The following STK32C variants were observed in gnomAD, a reference collection of about 807,000 sequenced individuals.
STK32C encodes the protein serine/threonine kinase 32C.
Under a neutral mutation model 56.5 loss-of-function variants are expected in STK32C, and 31 were observed. The ratio of observed to expected loss-of-function variants is 0.55; its 90% CI spans 0.41 to 0.74. The LOEUF is 0.74. Ranked by LOEUF, STK32C falls within the 30% of genes least tolerant of loss-of-function variation. The probability of loss-of-function intolerance (pLI) is 0.00; values close to 1 mark genes in which losing one functional copy is unlikely to be tolerated. For synonymous variants in STK32C, 309 were observed against 289.4 expected (o/e 1.07, Z -0.69); for missense variants, 544 against 676.9 (o/e 0.80, Z 2.18).
chr10:132,299,893 A>G (rs1487774390), intron 1 of STK32C, among the ~76,000 whole-genome samples: 1 of 152,256 alleles, frequency 6.6e-6, no homozygotes, highest in Non-Finnish European at 1.5e-5. Context: ...CTCTGAGGTC[A>G]GACGTCACAA....
At chr10:132,283,842 TG>T (rs2065291456) in intron 1 of STK32C, among the ~76,000 whole-genome samples, 1 of 152,074 alleles carries the variant, frequency 6.6e-6, no homozygotes, top group Non-Finnish European at 1.5e-5. Context: ...CACGCTCTGC[TG>T]GGAAGAGCCA....
intron 10 of STK32C, chr10:132,209,446 G>T (rs1200124334): frequency 2.1e-6 from 1 of 481,986 alleles, no homozygotes; most frequent in Non-Finnish European, 4.0e-6. Context: ...TCTCATACCG[G>T]GTTCTCCCAG....
chr10:132,311,643 G>A (rs2066224459), upstream of STK32C, among the ~76,000 whole-genome samples: 1 of 152,188 alleles, frequency 6.6e-6, no homozygotes, highest in African/African-American at 2.4e-5. The surrounding 1 kb of genome is among the most constrained non-coding windows in gnomAD (Gnocchi z 4.4). Flanking sequence ...GTGCGCCGGG[G>A]CCGAGCATGA....
rs530614072 is a variant in STK32C, at chr10:132,270,065, T to A, written c.263-24110A>T. On this transcript the variant is annotated intron_variant, in intron 1 of 11. Coordinates refer to ENST00000298630, the MANE Select transcript of STK32C (RefSeq NM_173575.4). ...CTGTAGGCCTTGGGACAGCGTCCCC[T>A]CAACCTGTGGCAGGGGACTGAGGGC... is the stretch of plus-strand genomic sequence containing the variant. 2.0e-5 allele frequency among the ~76,000 whole-genome samples: 3 copies of A among 152,324 alleles called. No homozygotes were observed. In the East Asian group the frequency reaches 5.8e-4, roughly 29 times the overall value.
chr10:132,264,994 G>T (rs2064450907), intron 1 of STK32C, among the ~76,000 whole-genome samples: 1 of 152,238 alleles, frequency 6.6e-6, no homozygotes, highest in Non-Finnish European at 1.5e-5. Flanking sequence ...GAGGATTCAG[G>T]ACAGCCACAC....
intron 2 of STK32C, among the ~76,000 whole-genome samples, chr10:132,233,852 C>T (rs1370138255): frequency 2.0e-5 from 3 of 152,254 alleles, no homozygotes; most frequent in South Asian, 2.1e-4. Flanking sequence ...ACAGTTGCTG[C>T]GACTGCAGGA....
intron 1 of STK32C, among the ~76,000 whole-genome samples, chr10:132,297,741 A>AG (rs2065797084): frequency 6.6e-6 from 1 of 152,190 alleles, no homozygotes; most frequent in African/African-American, 2.4e-5. Flanking sequence ...GGAAGCCCTG[A>AG]GCCAGAGCTC....
intron 1 of STK32C, among the ~76,000 whole-genome samples, chr10:132,269,499 C>T (rs2064746569): frequency 6.6e-6 from 1 of 152,176 alleles, no homozygotes; most frequent in African/African-American, 2.4e-5. Flanking sequence ...CAGCAAGCTG[C>T]AGCCTCACAG....
At chr10:132,227,243 C>T (rs1291791749) in intron 3 of STK32C, among the ~76,000 whole-genome samples, 1 of 152,260 alleles carries the variant, frequency 6.6e-6, no homozygotes, top group Non-Finnish European at 1.5e-5. Flanking sequence ...AGCAGAGCTA[C>T]AGTGCCAGCT....
At chr10:132,276,120 C>T (rs2064991085) in intron 1 of STK32C, among the ~76,000 whole-genome samples, 1 of 152,216 alleles carries the variant, frequency 6.6e-6, no homozygotes, top group Admixed American at 6.5e-5. Flanking sequence ...TGGGGCCCAG[C>T]TTTTGGACCA....
intron 1 of STK32C, among the ~76,000 whole-genome samples, chr10:132,284,982 G>C (rs33938711): frequency 5.9e-5 from 6 of 102,454 alleles, no homozygotes; most frequent in African/African-American, 2.2e-4. Flanking sequence ...ACATTCCCAC[G>C]TCTGCCCAAA....
chr10:132,327,581 T>A (rs1288955053), intron 1 of STK32C, among the ~76,000 whole-genome samples: 1 of 152,006 alleles, frequency 6.6e-6, no homozygotes, highest in Non-Finnish European at 1.5e-5. Flanking sequence ...GTTCAAGCAA[T>A]TCTCCTGCCT....
At chr10:132,294,679 G>C (rs572801914) in intron 1 of STK32C, among the ~76,000 whole-genome samples, 1 of 152,038 alleles carries the variant, frequency 6.6e-6, no homozygotes, top group Non-Finnish European at 1.5e-5. Flanking sequence ...CATTGACCTC[G>C]CACCATCTAC....
chr10:132,265,063 G>A (rs1317455873), intron 1 of STK32C, among the ~76,000 whole-genome samples: 8 of 150,350 alleles, frequency 5.3e-5, no homozygotes, highest in African/African-American at 1.2e-4. Flanking sequence ...AGACATGGCC[G>A]CAAGGGCGGT....
chr10:132,305,330 C>A (rs948400833), intron 1 of STK32C, among the ~76,000 whole-genome samples: 2 of 152,180 alleles, frequency 1.3e-5, no homozygotes, highest in Non-Finnish European at 2.9e-5. Context: ...TCTTATATGT[C>A]GCAACTATGC....
chr10:132,331,785 C>T (rs375182637), exon 1 of STK32C: 9 of 1,607,368 alleles, frequency 5.6e-6, no homozygotes, highest in Non-Finnish European at 5.1e-6. Context: ...CCCTCCAGAC[C>T]CTCGCGGTCT....
intron 1 of STK32C, among the ~76,000 whole-genome samples, chr10:132,294,678 C>T (rs1007569430): frequency 1.3e-5 from 2 of 152,140 alleles, no homozygotes; most frequent in African/African-American, 4.8e-5. Context: ...CCATTGACCT[C>T]GCACCATCTA....
At chr10:132,332,011 G>A (rs2066789741), upstream of STK32C, 2 of 385,748 alleles carry the variant, frequency 5.2e-6, no homozygotes, top group Non-Finnish European at 9.1e-6. Context: ...CCCCTGCCGC[G>A]CAGGGGCACC....
At chr10:132,257,428 T>C (rs2064160326) in intron 1 of STK32C, among the ~76,000 whole-genome samples, 1 of 151,894 alleles carries the variant, frequency 6.6e-6, no homozygotes, top group Admixed American at 6.5e-5. Flanking sequence ...GCTGTGGTCA[T>C]TCAGGGTGCC....
Sources: gnomAD v4.1 joint callset for allele counts (sites outside exome capture counted in the v4.1 genomes callset) on GRCh38, gnomAD v4.1.1 for gene constraint, Gnocchi (gnomAD v3.1) non-coding constraint, MANE v1.5 for transcripts, NCBI Gene and HGNC (gene_info 2026-07-23, HGNC 2026-07-21) for gene names.